DNAH11: variants seen among roughly 807,000 people sequenced by gnomAD.
DNAH11 encodes the protein axonemal beta dynein heavy chain 11.
Under a neutral mutation model 526.0 loss-of-function variants are expected in DNAH11, and 442 were observed. The ratio of observed to expected loss-of-function variants is 0.84; its 90% CI spans 0.78 to 0.91. The LOEUF is 0.91. Ranked by LOEUF, DNAH11 falls within the 40% of genes least tolerant of loss-of-function variation. DNAH11 has a pLI of 0.00. For synonymous variants in DNAH11, 2,461 were observed against 1,935.9 expected (o/e 1.27, Z -7.12); for missense variants, 6,989 against 5,448.7 (o/e 1.28, Z -8.90).
At position 21,570,289 on chromosome 7, in the gene DNAH11, T is replaced by C. The variant is rs1434007821; in HGVS notation, c.1415T>C (p.Ile472Thr). The C allele has an allele frequency of 6.2e-7, 1 of 1,603,814 alleles. No individual in the cohort carries two copies. The highest frequency in any genetic ancestry group is 1.7e-5 in the Admixed American group (1 of 57,942). The change falls in exon 7 of 82, where the codon ATA (isoleucine) becomes ACA (threonine). Residue 472 changes from isoleucine to threonine, a missense_variant. Transcript: ENST00000409508. Reference sequence around the variant, plus strand: ...TTTGACAAGTTTCTTGATCGTTTAATAAAAATAGAGGTATTCATTTTTTGA... The same window carrying C: ...TTTGACAAGTTTCTTGATCGTTTAACAAAAATAGAGGTATTCATTTTTTGA... ...CRFDKFLDRL[I>T]KIEDIFATTL...
chr7:21,761,156 T>C (rs1451954545), intron 54 of DNAH11, among the ~76,000 whole-genome samples: 1 of 152,182 alleles, frequency 6.6e-6, no homozygotes, highest in Non-Finnish European at 1.5e-5. Flanking sequence ...CATGGGTTTC[T>C]GGAAAAATCT....
chr7:21,601,254 G>A (rs550754051), intron 17 of DNAH11, 75 bp downstream of exon 17: 155 of 1,497,054 alleles, frequency 1.0e-4, no homozygotes, highest in Non-Finnish European at 1.2e-4. Context: ...ACTTTTAAGC[G>A]TATTAATGTT....
chr7:21,892,144 G>C (rs1014594592), intron 76 of DNAH11, among the ~76,000 whole-genome samples: 1 of 152,132 alleles, frequency 6.6e-6, no homozygotes. Context: ...CTCTGTGATG[G>C]CTCATTCCTT....
chr7:21,675,760 G>A (rs113644874), intron 30 of DNAH11, among the ~76,000 whole-genome samples: 3,747 of 152,276 alleles, frequency 0.025, 69 homozygotes, highest in East Asian at 0.039. Context: ...AACACAGAAT[G>A]AGACAGATGT....
intron 65 of DNAH11, among the ~76,000 whole-genome samples, chr7:21,825,168 G>A (rs937112906): frequency 1.3e-5 from 2 of 152,242 alleles, no homozygotes; most frequent in Non-Finnish European, 1.5e-5. Flanking sequence ...ACCACACCGG[G>A]TCTATTACTG....
intron 66 of DNAH11, among the ~76,000 whole-genome samples, chr7:21,847,098 T>G (rs900025281): frequency 6.6e-6 from 1 of 152,210 alleles, no homozygotes; most frequent in Non-Finnish European, 1.5e-5. Context: ...CTAGCCTGGC[T>G]AGAGTATTAT....
intron 9 of DNAH11, among the ~76,000 whole-genome samples, chr7:21,585,486 C>T (rs113999342): frequency 6.6e-6 from 1 of 152,134 alleles, no homozygotes; most frequent in Non-Finnish European, 1.5e-5. Context: ...GCTATTGTCA[C>T]AGACATGGCC....
chr7:21,585,082 C>G (rs900271043), intron 9 of DNAH11, among the ~76,000 whole-genome samples: 1 of 152,058 alleles, frequency 6.6e-6, no homozygotes, highest in East Asian at 1.9e-4. Context: ...ACAATTTAAT[C>G]TCTTAGGTAA....
intron 18 of DNAH11, among the ~76,000 whole-genome samples, chr7:21,602,700 G>C (rs1382223213): frequency 1.3e-5 from 2 of 152,010 alleles, no homozygotes; most frequent in Non-Finnish European, 1.5e-5. Context: ...TCAGAGCACA[G>C]AACTCAAACT....
intron 35 of DNAH11, 123 bp from the exon 36 acceptor site, chr7:21,697,952 A>C: frequency 1.0e-6 from 1 of 987,498 alleles, no homozygotes; most frequent in East Asian, 2.7e-5. Flanking sequence ...TGTGATTGAC[A>C]GACATAATTA....
At chr7:21,788,779 A>G (rs867246019) in intron 60 of DNAH11, among the ~76,000 whole-genome samples, 1 of 152,238 alleles carries the variant, frequency 6.6e-6, no homozygotes, top group Non-Finnish European at 1.5e-5. Context: ...AGCATTGGCT[A>G]TAGTTCCTGC....
chr7:21,615,064 C>G (rs372718688), intron 20 of DNAH11, 50 bp from the exon 21 acceptor site: 9 of 1,539,482 alleles, frequency 5.8e-6, no homozygotes, highest in South Asian at 1.3e-5. Context: ...AACTGCATGT[C>G]TTCTCTTTCT....
intron 69 of DNAH11, 113 bp downstream of exon 69, chr7:21,862,136 T>TC (rs1783087733): frequency 4.6e-6 from 5 of 1,087,346 alleles, no homozygotes; most frequent in Non-Finnish European, 6.2e-6. Flanking sequence ...TTTTTTTTTT[T>TC]GGAAGCCCTT....
intron 55 of DNAH11, among the ~76,000 whole-genome samples, chr7:21,766,271 A>G (rs368102040): frequency 6.6e-6 from 1 of 152,192 alleles, no homozygotes; most frequent in Non-Finnish European, 1.5e-5. Context: ...AAGGATGTAG[A>G]TATGAGGTTA....
chr7:21,655,130 G>A (rs545013910), intron 28 of DNAH11, among the ~76,000 whole-genome samples: 1 of 150,524 alleles, frequency 6.6e-6, no homozygotes, highest in African/African-American at 2.5e-5. Flanking sequence ...TACTGGTTTT[G>A]TATTGGAGAA....
At chr7:21,886,360 G>C (rs11763709) in intron 76 of DNAH11, among the ~76,000 whole-genome samples, 47,029 of 151,798 alleles carry the variant, frequency 0.31, 8,164 homozygotes, top group Non-Finnish European at 0.39. Flanking sequence ...TAGAAAACTG[G>C]GGACATTCTT....
intron 61 of DNAH11, among the ~76,000 whole-genome samples, chr7:21,798,450 A>G (rs1052277661): frequency 6.6e-6 from 1 of 152,196 alleles, no homozygotes; most frequent in Non-Finnish European, 1.5e-5. Flanking sequence ...ACAGTATACC[A>G]TGTGTGATTT....
At chr7:21,771,197 C>G (rs529595260) in intron 55 of DNAH11, among the ~76,000 whole-genome samples, 102 of 152,134 alleles carry the variant, frequency 6.7e-4, no homozygotes, top group Non-Finnish European at 1.1e-3. Context: ...TTCTCTTTTG[C>G]CCTTCCTCCC....
At position 21,741,933 on chromosome 7, in the gene DNAH11, T is replaced by C; in HGVS notation, c.7921T>C (p.Phe2641Leu). The C allele has an allele frequency of 6.2e-7, 1 of 1,613,744 alleles. No homozygotes were observed. Among genetic ancestry groups the C allele is most frequent in the Non-Finnish European group, 8.5e-7 (1 of 1,179,778 alleles). Residue 2641 changes from phenylalanine to leucine, a missense_variant, in exon 49 of 82, where the codon TTC (phenylalanine) becomes CTC (leucine). Transcript: ENST00000409508. ...TATTTGCTTTTCTTTTCAGAGACAT[T>C]TCACAGTGTTTGCATTCAATTTTCC... Reference protein sequence around the residue: ...FTINPRLQRHFTVFAFNFPSL... With the variant: ...FTINPRLQRHLTVFAFNFPSL...
Sources: gnomAD v4.1 joint callset for allele counts (sites outside exome capture counted in the v4.1 genomes callset) on GRCh38, gnomAD v4.1.1 for gene constraint, MANE v1.5 for transcripts, NCBI Gene and HGNC (gene_info 2026-07-23, HGNC 2026-07-21) for gene names.